Variants in RAPGEF5 observed in about 807,000 individuals in gnomAD.
The protein encoded by RAPGEF5 is Rap guanine nucleotide exchange factor 5, also known as M-Ras-regulated GEF.
A neutral mutation model predicts 125.2 loss-of-function variants in RAPGEF5; 65 were observed. That is an observed-to-expected ratio of 0.52 (90% confidence interval 0.43 to 0.64). RAPGEF5 has a LOEUF of 0.64. Ranked by LOEUF, RAPGEF5 falls within the 30% of genes least tolerant of loss-of-function variation. The probability of loss-of-function intolerance (pLI) is 0.00; values close to 1 mark genes in which losing one functional copy is unlikely to be tolerated. For synonymous variants in RAPGEF5, 391 were observed against 385.9 expected (o/e 1.01, Z -0.16); for missense variants, 958 against 1,048.1 (o/e 0.91, Z 1.19).
intron 7 of RAPGEF5, among the ~76,000 whole-genome samples, chr7:22,251,775 CAAA>C (rs58681076): frequency 0.017 from 1,211 of 73,270 alleles, 12 homozygotes; most frequent in African/African-American, 0.056. Flanking sequence ...GTTTCATTGA[CAAA>C]AAAAAAAAAA....
intron 6 of RAPGEF5, among the ~76,000 whole-genome samples, chr7:22,268,866 C>A (rs1352431613): frequency 6.6e-6 from 1 of 152,076 alleles, no homozygotes; most frequent in Non-Finnish European, 1.5e-5. Flanking sequence ...GGATTATATT[C>A]CCACCACTGT....
chr7:22,280,525 T>C (rs1361100142), intron 6 of RAPGEF5, among the ~76,000 whole-genome samples: 1 of 152,150 alleles, frequency 6.6e-6, no homozygotes, highest in Non-Finnish European at 1.5e-5. Flanking sequence ...GAGACTGCTC[T>C]GAGAAAGCTG....
chr7:22,127,332 C>A lies in RAPGEF5; in HGVS notation c.2482-1674G>T, dbSNP rs1368188503. Among the ~76,000 whole-genome samples the A allele has an allele frequency of 3.9e-5, 6 of 152,304 alleles. No homozygotes were observed. In the South Asian group the frequency reaches 6.2e-4, roughly 16 times the overall value. ...GGGATTACAGGCATCAGCCACCCCA[C>A]CTGGCCGGCAAAAGTCTTCTTAAAT... On this transcript the variant is annotated intron_variant, in intron 24 of 25. Transcript: ENST00000665637.
At chr7:22,154,119 C>A (rs972345693) in intron 17 of RAPGEF5, among the ~76,000 whole-genome samples, 1 of 151,816 alleles carries the variant, frequency 6.6e-6, no homozygotes, top group Non-Finnish European at 1.5e-5. Flanking sequence ...TTTTTTTCCA[C>A]CCCAAAGTAA....
chr7:22,355,224 T>C (rs1466128671), intron 1 of RAPGEF5, among the ~76,000 whole-genome samples: 1 of 152,036 alleles, frequency 6.6e-6, no homozygotes, highest in Non-Finnish European at 1.5e-5. Context: ...ACATTCAGAG[T>C]AATTAAAAAA....
intron 9 of RAPGEF5, among the ~76,000 whole-genome samples, chr7:22,194,968 A>G (rs1435129173): frequency 5.9e-5 from 9 of 152,238 alleles, no homozygotes; most frequent in African/African-American, 2.2e-4. Context: ...GAAAGGAACT[A>G]TAAGATGCAT....
intron 7 of RAPGEF5, among the ~76,000 whole-genome samples, chr7:22,233,012 C>A (rs942827860): frequency 1.3e-5 from 2 of 152,170 alleles, no homozygotes; most frequent in African/African-American, 4.8e-5. Context: ...TCCATTCATG[C>A]CTGTTCAAAG....
Position 22,157,843 on chromosome 7 carries a change from G to T in RAPGEF5, c.1557+12C>A, listed in dbSNP as rs745454393. 1 of 1,609,396 alleles carries T rather than the reference G, an allele frequency of 6.2e-7. No homozygotes were observed. The highest frequency in any genetic ancestry group is 1.1e-5 in the South Asian group (1 of 90,924). Reference sequence around the variant, plus strand: ...GGATCACCTAATTTTAGGTATAGAAGCATCTGCTTACCTTTTTTTGTGGTG... The same window carrying T: ...GGATCACCTAATTTTAGGTATAGAATCATCTGCTTACCTTTTTTTGTGGTG... On this transcript the variant is annotated intron_variant, in intron 15 of 25. Transcript: ENST00000665637.
intron 9 of RAPGEF5, among the ~76,000 whole-genome samples, chr7:22,196,049 C>T (rs1325188389): frequency 1.1e-4 from 17 of 152,162 alleles, no homozygotes; most frequent in Admixed American, 1.1e-3. Context: ...CACACTCTGC[C>T]AGGCAGGGGA....
chr7:22,174,841 T>A (rs1029750451), intron 11 of RAPGEF5, among the ~76,000 whole-genome samples: 4 of 152,130 alleles, frequency 2.6e-5, no homozygotes, highest in African/African-American at 9.7e-5. Flanking sequence ...GCTTTTAAAC[T>A]TGCTGAGCTT....
chr7:22,258,519 G>A (rs139286259), intron 7 of RAPGEF5, among the ~76,000 whole-genome samples: 3 of 151,410 alleles, frequency 2.0e-5, no homozygotes, highest in Non-Finnish European at 4.4e-5. Context: ...AGCTACTCAG[G>A]AGGCTGAGGC....
intron 9 of RAPGEF5, 66 bp from the exon 10 acceptor site, chr7:22,194,099 G>T: frequency 7.3e-7 from 1 of 1,362,862 alleles, no homozygotes; most frequent in Non-Finnish European, 1.0e-6. Context: ...AAAGTGGGGG[G>T]AAAATGGAGC....
rs775010289 is a variant in RAPGEF5 at position 22,167,143 on chromosome 7, G to C, written c.1210C>G (p.Leu404Val). Residue 404 changes from leucine (L) to valine (V), a missense_variant, in exon 12 of 26, where the codon CTC becomes GTC. By Grantham distance (32) the Leu-to-Val change is conservative. Coordinates refer to ENST00000665637, the MANE Select transcript of RAPGEF5 (RefSeq NM_012294.5). Reference protein sequence around the residue: ...EEVQDKETETLLDDFLLTYTV... With the variant: ...EEVQDKETETVLDDFLLTYTV... Reference sequence around the variant, plus strand: ...TACGTGAGAAGGAAGTCATCCAGGAGGGTCTCTGCAAAGAAAAAAAAAACA... The same window carrying C: ...TACGTGAGAAGGAAGTCATCCAGGACGGTCTCTGCAAAGAAAAAAAAAACA... The C allele has an allele frequency of 2.5e-6, 4 of 1,611,746 alleles. No individual in the cohort carries two copies. The South Asian group carries it at 3.3e-5, about 13-fold the overall frequency.
intron 20 of RAPGEF5, among the ~76,000 whole-genome samples, chr7:22,144,265 G>A (rs568764750): frequency 7.9e-5 from 12 of 152,166 alleles, no homozygotes; most frequent in South Asian, 2.1e-4. Context: ...CTTTGAAAGC[G>A]AACACAGCCT....
intron 5 of RAPGEF5, among the ~76,000 whole-genome samples, chr7:22,303,097 C>G (rs1783250407): frequency 6.6e-6 from 1 of 152,186 alleles, no homozygotes; most frequent in Admixed American, 6.5e-5. Context: ...AAGGCCCAAA[C>G]AAGGTAGTGT....
chr7:22,193,415 G>C lies in RAPGEF5; in HGVS notation c.1156C>G (p.His386Asp). 4 of 1,597,608 alleles carry C rather than the reference G, an allele frequency of 2.5e-6. No individual in the cohort carries two copies. The highest frequency in any genetic ancestry group is 3.4e-6 in the Non-Finnish European group (4 of 1,171,634). Residue 386 changes from histidine to aspartate, a missense_variant, in exon 11 of 26, where the codon CAC (histidine) becomes GAC (aspartate). Physicochemically the swap from His to Asp is moderately conservative, Grantham distance 81. Coordinates refer to ENST00000665637, the MANE Select transcript of RAPGEF5 (RefSeq NM_012294.5). ...VSGTPEKILE[H>D]LLNDLHLEEV... Reference sequence around the variant, plus strand: ...TCCAGGTGCAAGTCATTCAAAAGGTGCTCCAAAATCTTCTCCGGGGTCCCG... The same window carrying C: ...TCCAGGTGCAAGTCATTCAAAAGGTCCTCCAAAATCTTCTCCGGGGTCCCG...
chr7:22,162,913 C>T (rs1378215891), intron 12 of RAPGEF5: 2 of 460,598 alleles, frequency 4.3e-6, no homozygotes, highest in African/African-American at 4.0e-5. Context: ...TATTTCAATA[C>T]ATTTTAGGTC....
rs532972376 is a variant in RAPGEF5 at position 22,310,069 on chromosome 7, C to T, written c.411G>A (p.Glu137=). Residue 137 remains glutamate, a synonymous_variant, in exon 4 of 26, where the codon GAG becomes GAA. Transcript: ENST00000665637. ...AGTGTTCTAGAAGCCAGTCTACCAG[C>T]TCTGACCCAACGCAGCTCCTCCTGA... ...GFYRRSCVGS[E]LVDWLLEHCP... is the part of the protein sequence containing the mutation. 72 of 1,588,102 alleles carry T rather than the reference C, an allele frequency of 4.5e-5. 1 individual carries two copies. The South Asian group carries it at 6.8e-4, about 15-fold the overall frequency.
At chr7:22,267,118 A>T (rs1782302475) in intron 6 of RAPGEF5, 106 bp from the exon 7 acceptor site, 1 of 1,111,128 alleles carries the variant, frequency 9.0e-7, no homozygotes, top group African/African-American at 1.6e-5. Flanking sequence ...AGCTGTTTCA[A>T]TTAAACCTAA....
Sources: allele counts gnomAD v4.1 joint callset (sites outside exome capture counted in the v4.1 genomes callset), GRCh38; gene constraint gnomAD v4.1.1; transcripts MANE v1.5; gene names NCBI Gene and HGNC (gene_info 2026-07-23, HGNC 2026-07-21).